The following KCNMA1 variants were observed in gnomAD, a reference collection of about 807,000 sequenced individuals.
KCNMA1 encodes potassium calcium-activated channel subfamily M alpha 1, also known as Calcium-activated potassium channel subunit alpha-1.
Under a neutral mutation model 140.0 loss-of-function variants are expected in KCNMA1, and 29 were observed. The ratio of observed to expected loss-of-function variants is 0.21; its 90% confidence interval spans 0.15 to 0.28. The LOEUF is 0.28. Ranked by LOEUF, KCNMA1 falls within the 10% of genes least tolerant of loss-of-function variation. KCNMA1 has a pLI of 1.00. For missense variants in KCNMA1, 880 were observed against 1,602.2 expected (o/e 0.55, Z 7.70); for synonymous variants, 612 against 611.9 (o/e 1.00, Z 0.00).
intron 14 of KCNMA1, among the ~76,000 whole-genome samples, chr10:77,040,134 C>T (rs895344710): frequency 6.6e-6 from 1 of 151,814 alleles, no homozygotes; most frequent in Non-Finnish European, 1.5e-5. Flanking sequence ...CCTGCTGCTG[C>T]CTCTCAAAGT....
chr10:76,992,041 C>A (rs1410273890), intron 19 of KCNMA1, among the ~76,000 whole-genome samples: 1 of 152,176 alleles, frequency 6.6e-6, no homozygotes, highest in Non-Finnish European at 1.5e-5. Context: ...ATTCCATTTT[C>A]TATTTGCATA....
At chr10:77,570,852 G>C (rs956842922) in intron 1 of KCNMA1, among the ~76,000 whole-genome samples, 2 of 151,868 alleles carry the variant, frequency 1.3e-5, no homozygotes, top group African/African-American at 4.8e-5. Flanking sequence ...GATCACTCGA[G>C]CCTGGGAGGT....
At chr10:77,218,099 A>G (rs1207656010) in intron 3 of KCNMA1, among the ~76,000 whole-genome samples, 2 of 152,044 alleles carry the variant, frequency 1.3e-5, no homozygotes, top group African/African-American at 4.8e-5. Flanking sequence ...TTCAGAGGAG[A>G]TAAGTATCTC....
chr10:77,498,273 C>T (rs1444072482), intron 1 of KCNMA1, among the ~76,000 whole-genome samples: 1 of 152,202 alleles, frequency 6.6e-6, no homozygotes, highest in Non-Finnish European at 1.5e-5. Flanking sequence ...GGCACCGGGA[C>T]TCCCTGGTCA....
intron 17 of KCNMA1, among the ~76,000 whole-genome samples, chr10:77,015,606 T>G (rs1177059281): frequency 6.6e-6 from 1 of 152,136 alleles, no homozygotes; most frequent in Admixed American, 6.5e-5. Flanking sequence ...CCTTATGATA[T>G]CACTGTGTGT....
At chr10:76,876,733 A>T (rs2032455494), downstream of KCNMA1, 1 of 152,222 alleles carries the variant, frequency 6.6e-6, no homozygotes, top group Non-Finnish European at 1.5e-5. Context: ...GAGAAGAATG[A>T]CTGCCCTCTC....
At chr10:77,563,771 G>T (rs2067192371) in intron 1 of KCNMA1, among the ~76,000 whole-genome samples, 1 of 152,128 alleles carries the variant, frequency 6.6e-6, no homozygotes, top group African/African-American at 2.4e-5. Flanking sequence ...GCAGGCCCAG[G>T]GGGGAGTCCA....
At chr10:77,138,630 C>T (rs2098103109) in intron 5 of KCNMA1, among the ~76,000 whole-genome samples, 1 of 152,016 alleles carries the variant, frequency 6.6e-6, no homozygotes, top group African/African-American at 2.4e-5. Flanking sequence ...CATCAGATTA[C>T]ATTGCTCCCT....
At chr10:76,873,263 GAAAC>G (rs1182555476), downstream of KCNMA1, 9 of 152,094 alleles carry the variant, frequency 5.9e-5, no homozygotes, top group African/African-American at 1.7e-4. Flanking sequence ...TACTTTATTG[GAAAC>G]AAACAATCAG....
intron 1 of KCNMA1, among the ~76,000 whole-genome samples, chr10:77,590,338 G>A (rs1484824067): frequency 2.6e-5 from 4 of 152,328 alleles, no homozygotes; most frequent in East Asian, 1.9e-4. Flanking sequence ...AGGGGGCGGC[G>A]CTCCTCGGGG....
chr10:77,183,073 G>T (rs1219747278), intron 5 of KCNMA1, among the ~76,000 whole-genome samples: 2 of 152,182 alleles, frequency 1.3e-5, no homozygotes, highest in African/African-American at 4.8e-5. Flanking sequence ...CAGCCACTCG[G>T]AAAGTTGGCC....
intron 14 of KCNMA1, among the ~76,000 whole-genome samples, chr10:77,050,134 C>T (rs1317480847): frequency 2.0e-5 from 3 of 152,078 alleles, no homozygotes; most frequent in Non-Finnish European, 4.4e-5. Context: ...CTTGTCTTCT[C>T]CTTGTCTTCA....
intron 2 of KCNMA1, among the ~76,000 whole-genome samples, chr10:77,334,151 T>C (rs1316672601): frequency 6.6e-6 from 1 of 152,188 alleles, no homozygotes; most frequent in Non-Finnish European, 1.5e-5. Context: ...TGGAAATGTG[T>C]TTATTTTCAC....
At chr10:77,268,350 A>T (rs1042795438) in intron 2 of KCNMA1, among the ~76,000 whole-genome samples, 3 of 151,980 alleles carry the variant, frequency 2.0e-5, no homozygotes, top group Admixed American at 6.6e-5. Context: ...ACACACAGAC[A>T]CTCATGCTGT....
At chr10:77,295,815 A>G (rs1447050127) in intron 2 of KCNMA1, among the ~76,000 whole-genome samples, 2 of 150,832 alleles carry the variant, frequency 1.3e-5, no homozygotes, top group Non-Finnish European at 3.0e-5. Context: ...AAAAAAAAAA[A>G]AACAGTTTTC....
intron 20 of KCNMA1, among the ~76,000 whole-genome samples, chr10:76,957,735 G>T (rs142056702): frequency 2.1e-4 from 32 of 152,294 alleles, no homozygotes; most frequent in Non-Finnish European, 3.5e-4. Context: ...CCCTGAGTAG[G>T]TAAAGAAAGG....
intron 2 of KCNMA1, among the ~76,000 whole-genome samples, chr10:77,375,594 A>C (rs2095043492): frequency 2.0e-5 from 3 of 152,206 alleles, no homozygotes. Context: ...AAGCCTTTCC[A>C]ACTTGATCTG....
chr10:77,286,502 G>T (rs1258732048), intron 2 of KCNMA1, among the ~76,000 whole-genome samples: 3 of 152,138 alleles, frequency 2.0e-5, no homozygotes, highest in Non-Finnish European at 4.4e-5. Flanking sequence ...CATCTCTCAC[G>T]TTGTTATCTA....
intron 1 of KCNMA1, among the ~76,000 whole-genome samples, chr10:77,601,369 C>A (rs917222065): frequency 2.0e-5 from 3 of 152,132 alleles, no homozygotes; most frequent in Admixed American, 2.0e-4. Flanking sequence ...TACAATTGAA[C>A]CTATCTTCAA....
Sources: gnomAD v4.1 joint callset for allele counts (sites outside exome capture counted in the v4.1 genomes callset) on GRCh38, gnomAD v4.1.1 for gene constraint, MANE v1.5 for transcripts, NCBI Gene and HGNC (gene_info 2026-07-23, HGNC 2026-07-21) for gene names.